PRKG1: variants seen among roughly 807,000 people sequenced by gnomAD.
The protein encoded by PRKG1 is protein kinase cGMP-dependent 1, also known as cGMP-dependent protein kinase 1.
In PRKG1, 35 loss-of-function variants were observed where a neutral mutation model predicts 88.1. The observed-to-expected ratio is 0.40, with a 90% confidence interval of 0.30 to 0.53. The LOEUF is 0.53. PRKG1 is among the 20% of genes least tolerant of loss of function. PRKG1 has a pLI of 0.59. For synonymous variants in PRKG1, 303 were observed against 292.5 expected, an observed-to-expected ratio of 1.04 and a Z score of -0.37; for missense variants, 540 against 839.8, an observed-to-expected ratio of 0.64 and a Z score of 4.41.
chr10:51,613,010 T>G (rs1255193603), intron 3 of PRKG1, among the ~76,000 whole-genome samples: 1 of 152,040 alleles, frequency 6.6e-6, no homozygotes, highest in African/African-American at 2.4e-5. Context: ...TGATGTTGGA[T>G]TTGGTTTGCT....
intron 5 of PRKG1, among the ~76,000 whole-genome samples, chr10:52,035,656 G>A: frequency 6.6e-6 from 1 of 152,134 alleles, no homozygotes; most frequent in Non-Finnish European, 1.5e-5. Flanking sequence ...TTGAAGTCTG[G>A]GCCAGGAACA....
intron 3 of PRKG1, among the ~76,000 whole-genome samples, chr10:51,692,256 G>A (rs909966904): frequency 3.3e-5 from 5 of 151,760 alleles, no homozygotes; most frequent in African/African-American, 1.2e-4. Flanking sequence ...ATCACATTAT[G>A]AATTCAACTA....
At chr10:51,628,016 T>TTCTTTCTTTCTCTCTCTC (rs1839405931) in intron 3 of PRKG1, among the ~76,000 whole-genome samples, 1 of 69,876 alleles carries the variant, frequency 1.4e-5, no homozygotes, top group African/African-American at 4.1e-5. Flanking sequence ...CTCTCTTTCT[T>TTCTTTCTTTCTCTCTCTC]TCTTTCTTTC....
In PRKG1 at chr10:51,078,411, G is replaced by C. The variant is rs550221989; in HGVS notation, c.311+3510G>C. On this transcript the variant is annotated intron_variant, in intron 1 of 17. Transcript: ENST00000373980. ...TTTTTTTTTTTTTTTTTTTTTTTTA[G>C]TAGAGATGGGGTTTCGCCATTTTGG... 3.3e-3 allele frequency among the ~76,000 whole-genome samples: 351 copies of C among 105,160 alleles called. 1 individual carries two copies. Among genetic ancestry groups the C allele is most frequent in the Non-Finnish European group, 5.5e-3 (285 of 52,150 alleles). 69.0% of individuals were successfully genotyped at this position (105,160 alleles called of 152,430 possible). A position where few individuals can be genotyped will look rare whatever the true frequency, so the allele number is the denominator to read the frequency against.
intron 2 of PRKG1, among the ~76,000 whole-genome samples, chr10:51,377,451 A>G (rs916540409): frequency 7.2e-5 from 11 of 152,202 alleles, no homozygotes; most frequent in Non-Finnish European, 1.5e-4. Context: ...ACTCACCATG[A>G]AGGGTTAAAA....
At position 52,018,138 on chromosome 10, in the gene PRKG1, G is replaced by GGTAA. The variant is rs532956759; in HGVS notation, c.763-36345_763-36342dup. ...TTCTAAAAGATTTAGTATTTTGCAG[G>GGTAA]GTAAAATGACTAAATCATGAGTTCC... On this transcript the variant is annotated intron_variant, in intron 5 of 17. Transcript: ENST00000373980. Among the ~76,000 whole-genome samples, 1,349 of 152,080 alleles carry GGTAA rather than the reference G, an allele frequency of 8.9e-3. 6 individuals carry two copies. Among genetic ancestry groups the GGTAA allele is most frequent in the Non-Finnish European group, 0.012 (823 of 67,978 alleles).
chr10:51,590,298 G>T lies in PRKG1; in HGVS notation c.592+122462G>T, dbSNP rs142164200. On this transcript the variant is annotated intron_variant, in intron 3 of 17. Transcript: ENST00000373980. ...CTATTGCACAAGTGAAGAAACTGAGGCTTGGAGAGGCTACCCGCCCCCCAC... is the reference window on the plus strand; with the variant it reads ...CTATTGCACAAGTGAAGAAACTGAGTCTTGGAGAGGCTACCCGCCCCCCAC... Among the ~76,000 whole-genome samples the T allele has an allele frequency of 6.0e-3, 921 of 152,232 alleles. 11 individuals are homozygous for T. Among genetic ancestry groups the T allele is most frequent in the African/African-American group, 0.02 (847 of 41,542 alleles).
At chr10:51,711,168 C>T (rs1841740370) in intron 3 of PRKG1, among the ~76,000 whole-genome samples, 1 of 152,052 alleles carries the variant, frequency 6.6e-6, no homozygotes, top group South Asian at 2.1e-4. Context: ...TGCAGTGGTG[C>T]AATCTTGGCT....
intron 3 of PRKG1, among the ~76,000 whole-genome samples, chr10:51,579,583 T>G (rs1026384385): frequency 6.6e-6 from 1 of 152,278 alleles, no homozygotes; most frequent in Middle Eastern, 3.4e-3. Context: ...CCAATTTTTA[T>G]TTGGAATACA....
intron 7 of PRKG1, among the ~76,000 whole-genome samples, chr10:52,087,785 T>C (rs1846953421): frequency 6.6e-6 from 1 of 152,186 alleles, no homozygotes; most frequent in African/African-American, 2.4e-5. Context: ...GTCTGAGAAA[T>C]TGTGAACTGT....
intron 13 of PRKG1, among the ~76,000 whole-genome samples, chr10:52,281,156 A>C (rs1841994714): frequency 6.6e-6 from 1 of 152,152 alleles, no homozygotes; most frequent in Non-Finnish European, 1.5e-5. Context: ...CTGGCAAAAG[A>C]TGCTTTTATA....
intron 3 of PRKG1, among the ~76,000 whole-genome samples, chr10:51,796,779 T>A (rs1839022533): frequency 6.6e-6 from 1 of 152,120 alleles, no homozygotes; most frequent in Admixed American, 6.6e-5. Flanking sequence ...GCAGGCATCA[T>A]TCCTTCTGCT....
intron 2 of PRKG1, among the ~76,000 whole-genome samples, chr10:51,319,352 C>G (rs1841398538): frequency 6.6e-6 from 1 of 151,946 alleles, no homozygotes; most frequent in Non-Finnish European, 1.5e-5. Flanking sequence ...TTATAGATCC[C>G]TAGAAGAAAG....
intron 1 of PRKG1, among the ~76,000 whole-genome samples, chr10:51,054,719 A>G (rs1843606841): frequency 6.6e-6 from 1 of 152,158 alleles, no homozygotes; most frequent in South Asian, 2.1e-4. Context: ...TCATGATACC[A>G]TAGTTATAAA....
chr10:51,119,210 A>G (rs2339628), intron 1 of PRKG1, among the ~76,000 whole-genome samples: 87,762 of 151,868 alleles, frequency 0.58, 26,033 homozygotes, highest in East Asian at 0.8. Context: ...GTTGCACCAC[A>G]TTATGTCTTA....
At chr10:52,043,591 C>G (rs1177869534) in intron 5 of PRKG1, among the ~76,000 whole-genome samples, 1 of 151,732 alleles carries the variant, frequency 6.6e-6, no homozygotes, top group African/African-American at 2.4e-5. Flanking sequence ...GGGAAAGATA[C>G]AAAGTGACAG....
chr10:51,164,323 C>T (rs1846464431), intron 2 of PRKG1, among the ~76,000 whole-genome samples: 1 of 152,320 alleles, frequency 6.6e-6, no homozygotes, highest in Admixed American at 6.5e-5. Context: ...TCCAACAGAC[C>T]TGCAGCTGAG....
At chr10:51,988,294 T>G (rs895011501) in intron 5 of PRKG1, among the ~76,000 whole-genome samples, 1 of 152,116 alleles carries the variant, frequency 6.6e-6, no homozygotes, top group Non-Finnish European at 1.5e-5. Context: ...TGGATATGTT[T>G]AACTTGATGC....
At chr10:51,970,226 A>C (rs1282099347) in intron 5 of PRKG1, among the ~76,000 whole-genome samples, 1 of 151,916 alleles carries the variant, frequency 6.6e-6, no homozygotes. Context: ...AATGCTTTTC[A>C]ATTTTGAACT....
Sources: allele counts gnomAD v4.1 joint callset (sites outside exome capture counted in the v4.1 genomes callset), GRCh38; gene constraint gnomAD v4.1.1; transcripts MANE v1.5; gene names NCBI Gene and HGNC (gene_info 2026-07-23, HGNC 2026-07-21).